Variants in FIG4 observed in about 807,000 individuals in gnomAD.
The protein encoded by FIG4 is FIG4 phosphoinositide 5-phosphatase.
FIG4 carries 112 observed loss-of-function variants against 118.6 expected under a neutral mutation model. The ratio of observed to expected loss-of-function variants is 0.94; its 90% CI spans 0.81 to 1.11. The LOEUF (loss-of-function observed/expected upper bound fraction) is 1.11, where lower values mean the gene tolerates loss of function less well. Ranked by LOEUF, FIG4 falls within the 50% of genes least tolerant of loss-of-function variation. The pLI is 0.00. For synonymous variants in FIG4, 369 were observed against 381.2 expected, an observed-to-expected ratio of 0.97 and a Z score of 0.37; for missense variants, 969 against 1,111.7, an observed-to-expected ratio of 0.87 and a Z score of 1.83.
At chr6:109,751,261 A>G (rs1450205437) in intron 10 of FIG4, among the ~76,000 whole-genome samples, 1 of 152,200 alleles carries the variant, frequency 6.6e-6, no homozygotes, top group Admixed American at 6.5e-5. Context: ...GTTACTTCCC[A>G]TATGCCAGCT....
chr6:109,737,712 A>T (rs1009196585), intron 6 of FIG4, among the ~76,000 whole-genome samples: 3 of 152,214 alleles, frequency 2.0e-5, no homozygotes, highest in African/African-American at 4.8e-5. Flanking sequence ...TGCTAAAATT[A>T]TGTTTGATGA....
intron 22 of FIG4, among the ~76,000 whole-genome samples, chr6:109,822,041 T>C (rs1171407066): frequency 6.6e-6 from 1 of 151,906 alleles, no homozygotes; most frequent in Admixed American, 6.6e-5. Flanking sequence ...CCCTGTGTCT[T>C]AAAAAAAGAA....
intron 10 of FIG4, among the ~76,000 whole-genome samples, chr6:109,755,601 C>T (rs1278366886): frequency 6.6e-6 from 1 of 152,120 alleles, no homozygotes; most frequent in African/African-American, 2.4e-5. Flanking sequence ...TCAGGACTTG[C>T]TTAATGAATC....
chr6:109,719,941 G>A (rs1193307611), intron 3 of FIG4, among the ~76,000 whole-genome samples: 1 of 152,142 alleles, frequency 6.6e-6, no homozygotes, highest in Non-Finnish European at 1.5e-5. Context: ...GTAACCAGAC[G>A]TTTAATTTAC....
At position 109,820,488 on chromosome 6, in the gene FIG4, G is replaced by T. The variant is rs4947022; in HGVS notation, c.2547-4600G>T. Among the ~76,000 whole-genome samples the T allele has an allele frequency of 4.9e-4, 74 of 151,858 alleles. 1 individual carries two copies. The South Asian group carries it at 0.014, about 29-fold the overall frequency. On this transcript the variant is annotated intron_variant, in intron 22 of 22. Coordinates refer to ENST00000230124, the MANE Select transcript of FIG4 (RefSeq NM_014845.6). ...GTATGCGTTGTCTCTGAAGGGAACA[G>T]GTCCGGCAAGAGTAGACGTGGGAGT...
chr6:109,773,279 C>T (rs1777519807), intron 15 of FIG4, among the ~76,000 whole-genome samples: 1 of 152,154 alleles, frequency 6.6e-6, no homozygotes, highest in Non-Finnish European at 1.5e-5. Context: ...ACCTTAATTA[C>T]ATCTGCAAAG....
At chr6:109,793,688 A>G (rs947389075) in intron 21 of FIG4, among the ~76,000 whole-genome samples, 2 of 152,176 alleles carry the variant, frequency 1.3e-5, no homozygotes, top group African/African-American at 4.8e-5. Context: ...ATCTTCAGTT[A>G]TTTTTAAATG....
At position 109,735,317 on chromosome 6, in the gene FIG4, T is replaced by G. The variant is rs1239772369; in HGVS notation, c.646+19T>G. 3 of 1,597,106 alleles carry G rather than the reference T, an allele frequency of 1.9e-6. No individual in the cohort carries two copies. Among genetic ancestry groups the G allele is most frequent in the South Asian group, 2.2e-5 (2 of 90,742 alleles). ...GGAAGCGGTAGGTGGTCTTGATATATCTAATGTATATTAATGTGGTATCCA... is the reference window on the plus strand; with the variant it reads ...GGAAGCGGTAGGTGGTCTTGATATAGCTAATGTATATTAATGTGGTATCCA... On this transcript the variant is annotated intron_variant, in intron 6 of 22. Transcript: ENST00000230124.
At chr6:109,761,722 CCA>C (rs1475370009) in intron 11 of FIG4, among the ~76,000 whole-genome samples, 7 of 152,182 alleles carry the variant, frequency 4.6e-5, no homozygotes, top group Non-Finnish European at 1.0e-4. Context: ...TTCTGCTCTG[CCA>C]CCTGCACTGT....
At chr6:109,742,533 G>C (rs184658163) in intron 8 of FIG4, among the ~76,000 whole-genome samples, 2 of 152,136 alleles carry the variant, frequency 1.3e-5, no homozygotes, top group East Asian at 1.9e-4. Context: ...AGTGAAAATT[G>C]TTACAGCTGG....
intron 1 of FIG4, among the ~76,000 whole-genome samples, chr6:109,707,342 CATATATACATACATATATACGTGT>C (rs1562638155): frequency 2.5e-5 from 3 of 118,566 alleles, no homozygotes; most frequent in African/African-American, 1.1e-4. Context: ...TATATATATA[CATATATACATACATATATACGTGT>C]ATATATATAT....
chr6:109,792,619 ACCTCTCAGATGG>A lies in FIG4; in HGVS notation c.2424_2435del (p.Asp808_Ser811del), dbSNP rs762589192. 6.2e-7 allele frequency: 1 copy of A among 1,605,702 alleles called. No individual in the cohort carries two copies. Among genetic ancestry groups the A allele is most frequent in the South Asian group, 1.1e-5 (1 of 90,842 alleles). On this transcript the variant is annotated inframe_deletion, in exon 21 of 23. Coordinates refer to ENST00000230124, the MANE Select transcript of FIG4 (RefSeq NM_014845.6). The stretch of plus-strand genomic sequence containing the variant: ...CCCATGAAGGAGCTATATGGAATTA[ACCTCTCAGATGG>A]CCTCTCAGAAGAAGATTTCTCCATT...
chr6:109,755,455 G>A (rs569620072), intron 10 of FIG4, among the ~76,000 whole-genome samples: 71 of 152,208 alleles, frequency 4.7e-4, no homozygotes, highest in Non-Finnish European at 7.8e-4. Context: ...TTTTAGGTCC[G>A]CTTGGTGCAG....
intron 1 of FIG4, among the ~76,000 whole-genome samples, chr6:109,701,317 G>A (rs907186174): frequency 1.3e-5 from 2 of 152,168 alleles, no homozygotes; most frequent in Non-Finnish European, 2.9e-5. Flanking sequence ...CAGGCCTAAC[G>A]CAGCACTAAC....
intron 1 of FIG4, among the ~76,000 whole-genome samples, chr6:109,709,913 A>G (rs1448264573): frequency 6.6e-6 from 1 of 152,206 alleles, no homozygotes; most frequent in Non-Finnish European, 1.5e-5. Context: ...AAAAAGGGAT[A>G]GTTTGACTTC....
chr6:109,744,377 T>C (rs1776417051), intron 10 of FIG4, among the ~76,000 whole-genome samples: 1 of 152,062 alleles, frequency 6.6e-6, no homozygotes, highest in Non-Finnish European at 1.5e-5. Flanking sequence ...AGGCTGAGGA[T>C]AGGAGGCAGG....
chr6:109,751,803 CTTTTT>C (rs66617515), intron 10 of FIG4, among the ~76,000 whole-genome samples: 1 of 146,656 alleles, frequency 6.8e-6, no homozygotes, highest in Non-Finnish European at 1.5e-5. Context: ...ATTCTTCTCT[CTTTTT>C]TTCTTTTTTT....
intron 16 of FIG4, among the ~76,000 whole-genome samples, chr6:109,784,649 G>A (rs867154714): frequency 1.3e-5 from 2 of 152,194 alleles, no homozygotes; most frequent in Non-Finnish European, 2.9e-5. Context: ...GAAGTTAACA[G>A]CAGTTCATAG....
chr6:109,795,121 T>G lies in FIG4; in HGVS notation c.2460-1644T>G, dbSNP rs1167754157. On this transcript the variant is annotated intron_variant, in intron 21 of 22. Transcript: ENST00000230124. Reference sequence around the variant, plus strand: ...TTTTTTTTTTTTTTTTTTTTTTTTTTTTTTTTTTTTTTTTGAGACGGAGTC... The same window carrying G: ...TTTTTTTTTTTTTTTTTTTTTTTTTGTTTTTTTTTTTTTTGAGACGGAGTC... 2.1e-4 allele frequency among the ~76,000 whole-genome samples: 23 copies of G among 111,752 alleles called. 1 individual carries two copies. The South Asian group carries it at 5.9e-3, about 29-fold the overall frequency. 73.3% of individuals were successfully genotyped at this position (111,752 alleles called of 152,430 possible). A position where few individuals can be genotyped will look rare whatever the true frequency, so the allele number is the denominator to read the frequency against.
Sources: gnomAD v4.1 joint callset for allele counts (sites outside exome capture counted in the v4.1 genomes callset) on GRCh38, gnomAD v4.1.1 for gene constraint, MANE v1.5 for transcripts, NCBI Gene and HGNC (gene_info 2026-07-23, HGNC 2026-07-21) for gene names.